The following SLC1A3 variants were observed in gnomAD, a reference collection of about 807,000 sequenced individuals.
The protein encoded by SLC1A3 is excitatory amino acid transporter 1.
In SLC1A3, 21 loss-of-function variants were observed where a neutral mutation model predicts 48.1. That is an observed-to-expected ratio of 0.44 (90% CI 0.31 to 0.63). The LOEUF is 0.63. Ranked by LOEUF, SLC1A3 falls within the 20% of genes least tolerant of loss-of-function variation. The pLI, the probability that SLC1A3 is intolerant of heterozygous loss-of-function variation, is 0.08. For synonymous variants in SLC1A3, 239 were observed against 251.4 expected (o/e 0.95, Z 0.47); for missense variants, 546 against 689.0 (o/e 0.79, Z 2.32).
At chr5:36,610,218 A>G (rs1739135769) in intron 2 of SLC1A3, among the ~76,000 whole-genome samples, 1 of 152,222 alleles carries the variant, frequency 6.6e-6, no homozygotes, top group Non-Finnish European at 1.5e-5. Context: ...GCTAGTTGAC[A>G]TCTTTTAAGA....
chr5:36,671,308 C>A, intron 4 of SLC1A3, 75 bp downstream of exon 4: 1 of 1,052,344 alleles, frequency 9.5e-7, no homozygotes, highest in Non-Finnish European at 1.5e-6. Context: ...TATTCAAACC[C>A]TGGAAGGGGT....
chr5:36,685,164 A>G (rs1580052117), intron 9 of SLC1A3, among the ~76,000 whole-genome samples: 1 of 152,364 alleles, frequency 6.6e-6, no homozygotes, highest in African/African-American at 2.4e-5. Context: ...ATAATTCATA[A>G]AATAAAATAA....
At position 36,687,407 on chromosome 5, in the gene SLC1A3, G is replaced by A. The variant is rs895120445; in HGVS notation, c.*1138G>A. The A allele has an allele frequency of 2.0e-5, 3 of 152,088 alleles. No individual in the cohort carries two copies. The highest frequency in any genetic ancestry group is 7.2e-5 in the African/African-American group (3 of 41,420). The allele number at this position is 152,088 out of a possible 1,614,324, so 9.4% of individuals were successfully genotyped here. ...TTCTTTAAGGAAGAATAAAAAAGAA[G>A]AGGTTCATTTTTCTGGCTTTTTTTT... On this transcript the variant is annotated 3_prime_UTR_variant, in exon 10 of 10. Transcript: ENST00000265113.
At chr5:36,662,090 G>T (rs1046291147) in intron 3 of SLC1A3, among the ~76,000 whole-genome samples, 5 of 152,154 alleles carry the variant, frequency 3.3e-5, no homozygotes, top group African/African-American at 1.2e-4. Context: ...AGACAGGCTG[G>T]GGCTCTGGCC....
At chr5:36,630,344 G>C (rs1260057213) in intron 3 of SLC1A3, 1 of 152,244 alleles carries the variant, frequency 6.6e-6, no homozygotes, top group East Asian at 1.9e-4. Flanking sequence ...TGGTGAATCA[G>C]ATGGAGCCAA....
chr5:36,621,400 G>T (rs34789636), intron 2 of SLC1A3, among the ~76,000 whole-genome samples: 1 of 151,934 alleles, frequency 6.6e-6, no homozygotes, highest in Non-Finnish European at 1.5e-5. Context: ...ATCTAGGGGG[G>T]CTTGCCAGGA....
At chr5:36,617,982 A>G (rs62354633) in intron 2 of SLC1A3, among the ~76,000 whole-genome samples, 1 of 152,084 alleles carries the variant, frequency 6.6e-6, no homozygotes. Flanking sequence ...GTCATTTGCT[A>G]CAAATGTGGG....
chr5:36,636,147 A>G (rs942282846), intron 3 of SLC1A3: 2 of 151,942 alleles, frequency 1.3e-5, no homozygotes, highest in African/African-American at 4.8e-5. Context: ...CCTTTCCATT[A>G]CAGATGATTC....
At chr5:36,680,741 A>C in intron 8 of SLC1A3, 152 bp downstream of exon 8, 1 of 701,846 alleles carries the variant, frequency 1.4e-6, no homozygotes, top group South Asian at 1.5e-5. Context: ...ACATAGTGAA[A>C]CCCTGTCTCC....
At chr5:36,610,400 C>G (rs1739145409) in intron 2 of SLC1A3, among the ~76,000 whole-genome samples, 1 of 152,176 alleles carries the variant, frequency 6.6e-6, no homozygotes, top group African/African-American at 2.4e-5. Flanking sequence ...AACACATACT[C>G]ATTTATAATT....
rs966200792 is a variant in SLC1A3, at chr5:36,679,706, C to A, written c.940C>A (p.Leu314Ile). 23 of 1,614,000 alleles carry A rather than the reference C, an allele frequency of 1.4e-5. No homozygotes were observed. Among genetic ancestry groups the A allele is most frequent in the Non-Finnish European group, 1.8e-5 (21 of 1,179,992 alleles). Reference protein sequence around the residue: ...MEDMGVIGGQLAMYTVTVIVG... With the variant: ...MEDMGVIGGQIAMYTVTVIVG... ...AGACATGGGTGTGATTGGGGGGCAG[C>A]TTGCCATGTACACCGTGACTGTCAT... The change falls in exon 7 of 10, where the codon CTT (leucine) becomes ATT (isoleucine). Residue 314 changes from leucine to isoleucine, a missense_variant. Transcript: ENST00000265113.
rs1196418661 is a variant in SLC1A3, at chr5:36,644,156, G to C, written c.319+14569G>C. ...CTCCCCCCACCCCCCATAGCAAAGAGATATAATAGCCAAAACCAAAAAGGA... is the reference window on the plus strand; with the variant it reads ...CTCCCCCCACCCCCCATAGCAAAGACATATAATAGCCAAAACCAAAAAGGA... On this transcript the variant is annotated intron_variant, in intron 3 of 9. Coordinates refer to ENST00000265113, the MANE Select transcript of SLC1A3 (RefSeq NM_004172.5). Among the ~76,000 whole-genome samples the C allele has an allele frequency of 2.8e-4, 42 of 150,676 alleles. 1 individual carries two copies. Among genetic ancestry groups the C allele is most frequent in the Non-Finnish European group, 4.4e-5 (3 of 67,890 alleles).
intron 3 of SLC1A3, among the ~76,000 whole-genome samples, chr5:36,640,751 G>A (rs1331380641): frequency 6.6e-6 from 1 of 151,998 alleles, no homozygotes; most frequent in Non-Finnish European, 1.5e-5. Context: ...TGTCAGTACT[G>A]TTAAGGGAAA....
chr5:36,662,797 C>G (rs1336051562), intron 3 of SLC1A3, among the ~76,000 whole-genome samples: 2 of 152,170 alleles, frequency 1.3e-5, no homozygotes. Flanking sequence ...CTGGGAAGAT[C>G]GCGGGACTGT....
chr5:36,661,262 A>G (rs1238394424), intron 3 of SLC1A3, among the ~76,000 whole-genome samples: 1 of 152,122 alleles, frequency 6.6e-6, no homozygotes, highest in African/African-American at 2.4e-5. Flanking sequence ...AAATACAAAA[A>G]TTAGCCAAGC....
intron 5 of SLC1A3, among the ~76,000 whole-genome samples, chr5:36,675,534 T>A (rs966463523): frequency 2.0e-5 from 3 of 152,212 alleles, no homozygotes; most frequent in Non-Finnish European, 2.9e-5. Context: ...TCTAGTTGGC[T>A]TAGACCAGGA....
intron 3 of SLC1A3, among the ~76,000 whole-genome samples, chr5:36,662,552 ACT>A (rs1259341867): frequency 5.3e-5 from 8 of 151,970 alleles, no homozygotes; most frequent in Admixed American, 2.0e-4. Flanking sequence ...AAGATGAATT[ACT>A]CTCTGGTTCC....
chr5:36,673,230 C>T (rs1407872207), intron 4 of SLC1A3, among the ~76,000 whole-genome samples: 1 of 152,158 alleles, frequency 6.6e-6, no homozygotes, highest in Non-Finnish European at 1.5e-5. Flanking sequence ...CGTGCAACTG[C>T]TGGATTCTTG....
intron 3 of SLC1A3, among the ~76,000 whole-genome samples, chr5:36,663,552 T>C (rs1044847400): frequency 2.0e-5 from 3 of 152,070 alleles, no homozygotes; most frequent in African/African-American, 7.2e-5. Context: ...TGCACTTAGT[T>C]TTCTTAAGGA....
Sources: gnomAD v4.1 joint callset for allele counts (sites outside exome capture counted in the v4.1 genomes callset) on GRCh38, gnomAD v4.1.1 for gene constraint, MANE v1.5 for transcripts, NCBI Gene and HGNC (gene_info 2026-07-23, HGNC 2026-07-21) for gene names.